Variants in DMD observed in about 807,000 individuals in gnomAD.
DMD encodes the protein mutant dystrophin.
DMD carries 63 observed loss-of-function variants against 330.1 expected under a neutral mutation model. The observed-to-expected ratio is 0.19, with a 90% CI of 0.16 to 0.24. The LOEUF is 0.24. Among genes scored for constraint, DMD ranks in the 10% least tolerant of loss-of-function variants. The pLI is 1.00. For missense variants in DMD, 3,344 were observed against 2,684.1 expected (o/e 1.25, Z -5.43); for synonymous variants, 1,223 against 959.8 (o/e 1.27, Z -5.07).
At chrX:32,384,477 G>C (rs905701882) in intron 33 of DMD, among the ~76,000 whole-genome samples, 1 of 110,748 alleles carries the variant, frequency 9.0e-6, no homozygotes, top group Non-Finnish European at 1.9e-5. Flanking sequence ...TTCTTATTTT[G>C]AAACAAAGTA....
intron 47 of DMD, among the ~76,000 whole-genome samples, chrX:31,880,160 T>G (rs1244373419): frequency 8.9e-6 from 1 of 112,215 alleles, no homozygotes; most frequent in Non-Finnish European, 1.9e-5. Context: ...TAAGATGGAT[T>G]TCATAACACA....
intron 68 of DMD, among the ~76,000 whole-genome samples, chrX:31,181,805 T>C (rs1427157437): frequency 1.8e-5 from 2 of 111,842 alleles, no homozygotes; most frequent in African/African-American, 6.5e-5. Flanking sequence ...TGGAAAAGAG[T>C]GTTTACTTTG....
At chrX:31,665,455 TTATAA>T (rs1199950398) in intron 53 of DMD, among the ~76,000 whole-genome samples, 2 of 111,751 alleles carry the variant, frequency 1.8e-5, no homozygotes, top group Non-Finnish European at 3.8e-5. Flanking sequence ...CTTTATGGAT[TTATAA>T]TAGAAATGTT....
intron 44 of DMD, among the ~76,000 whole-genome samples, chrX:32,126,236 A>G (rs181930332): frequency 1.7e-4 from 19 of 112,391 alleles, no homozygotes; most frequent in African/African-American, 6.1e-4. Context: ...TGCTTTGCAA[A>G]AGAGACAGAT....
At chrX:32,746,577 C>T (rs963129473) in intron 7 of DMD, among the ~76,000 whole-genome samples, 11 of 111,409 alleles carry the variant, frequency 9.9e-5, no homozygotes, top group African/African-American at 1.6e-4. Context: ...AATGTTTAAT[C>T]GACACATAAT....
At chrX:32,503,258 G>A (rs931614162) in intron 18 of DMD, among the ~76,000 whole-genome samples, 3 of 111,318 alleles carry the variant, frequency 2.7e-5, no homozygotes, top group Non-Finnish European at 3.8e-5. Context: ...GTGGTGACAG[G>A]AGCCTGTAGT....
At chrX:31,915,516 C>T in intron 47 of DMD, among the ~76,000 whole-genome samples, 1 of 111,657 alleles carries the variant, frequency 9.0e-6, no homozygotes, top group Non-Finnish European at 1.9e-5. Context: ...TTATATAATC[C>T]ATTTTAATGT....
intron 18 of DMD, 151 bp downstream of exon 18, chrX:32,517,857 C>T (rs1163350692): frequency 1.6e-6 from 1 of 641,780 alleles, no homozygotes. Flanking sequence ...TTTGATTTTG[C>T]TTGCTATCTA....
chrX:31,640,686 G>C (rs1414546749), intron 54 of DMD, among the ~76,000 whole-genome samples: 1 of 112,263 alleles, frequency 8.9e-6, no homozygotes, highest in Non-Finnish European at 1.9e-5. Flanking sequence ...ATGCTAACCC[G>C]ATAACTCCAT....
At chrX:31,288,502 C>T (rs919198960) in intron 62 of DMD, among the ~76,000 whole-genome samples, 1 of 111,750 alleles carries the variant, frequency 8.9e-6, no homozygotes, top group African/African-American at 3.3e-5. Flanking sequence ...AATTTTATGT[C>T]AGGTAAAGGA....
intron 2 of DMD, among the ~76,000 whole-genome samples, chrX:32,902,502 T>G (rs1174523396): frequency 9.0e-6 from 1 of 110,945 alleles, no homozygotes; most frequent in Non-Finnish European, 1.9e-5. Flanking sequence ...TGTGTATATA[T>G]GTGGACAGAT....
intron 67 of DMD, among the ~76,000 whole-genome samples, chrX:31,202,533 T>C (rs1569458756): frequency 2.7e-5 from 2 of 73,795 alleles, no homozygotes; most frequent in African/African-American, 7.6e-5. Context: ...GGTAAATCTA[T>C]CCAACTAACT....
chrX:32,235,003 GGAACTGATTTTGTGGAA>G (rs2097182269), intron 43 of DMD, among the ~76,000 whole-genome samples: 2 of 112,016 alleles, frequency 1.8e-5, no homozygotes, highest in South Asian at 7.4e-4. Flanking sequence ...TTTGGCACCA[GGAACTGATTTTGTGGAA>G]GACAATTTTT....
intron 44 of DMD, among the ~76,000 whole-genome samples, chrX:32,053,296 C>G (rs1281934467): frequency 6.3e-5 from 7 of 110,801 alleles, no homozygotes; most frequent in African/African-American, 2.0e-4. Context: ...TTGTGATGCT[C>G]AAAATACTAT....
chrX:33,054,460 G>T (rs2148028466), intron 1 of DMD, among the ~76,000 whole-genome samples: 1 of 112,013 alleles, frequency 8.9e-6, no homozygotes, highest in African/African-American at 3.2e-5. Flanking sequence ...TCATTTAAAG[G>T]AAGTTTATAA....
At chrX:33,031,678 G>A (rs934438804) in intron 1 of DMD, among the ~76,000 whole-genome samples, 2 of 110,872 alleles carry the variant, frequency 1.8e-5, no homozygotes, top group Non-Finnish European at 3.8e-5. Flanking sequence ...GGCTGACGCA[G>A]GAGAATCACT....
At chrX:32,944,910 G>T (rs749236217) in intron 2 of DMD, among the ~76,000 whole-genome samples, 33 of 110,918 alleles carry the variant, frequency 3.0e-4, no homozygotes, top group Non-Finnish European at 6.2e-4. Context: ...CCAGCCAGTA[G>T]AAGTTTTATT....
intron 54 of DMD, among the ~76,000 whole-genome samples, chrX:31,633,669 A>T (rs2079249023): frequency 8.9e-6 from 1 of 112,260 alleles, no homozygotes. Flanking sequence ...CAATTTGCCA[A>T]ACAAGTGATA....
intron 1 of DMD, among the ~76,000 whole-genome samples, chrX:33,108,541 C>A (rs1437950049): frequency 1.9e-5 from 2 of 107,356 alleles, no homozygotes; most frequent in Non-Finnish European, 3.8e-5. Flanking sequence ...GCTGGGATTA[C>A]AGGCATGATC....
Sources: gnomAD v4.1 joint callset for allele counts (sites outside exome capture counted in the v4.1 genomes callset) on GRCh38, gnomAD v4.1.1 for gene constraint, MANE v1.5 for transcripts, NCBI Gene and HGNC (gene_info 2026-07-23, HGNC 2026-07-21) for gene names.